Variants in MUSK observed in about 807,000 individuals in gnomAD.
MUSK encodes the protein muscle associated receptor tyrosine kinase, also known as muscle, skeletal receptor tyrosine-protein kinase.
Under a neutral mutation model 88.7 loss-of-function variants are expected in MUSK, and 55 were observed. That is an observed-to-expected ratio of 0.62 (90% CI 0.50 to 0.78). The LOEUF is 0.78. Ranked by LOEUF, MUSK falls within the 30% of genes least tolerant of loss-of-function variation. MUSK has a pLI of 0.00. For missense variants in MUSK, 1,015 were observed against 1,074.3 expected, an observed-to-expected ratio of 0.94 and a Z score of 0.77; for synonymous variants, 387 against 391.9, an observed-to-expected ratio of 0.99 and a Z score of 0.15.
intron 5 of MUSK, among the ~76,000 whole-genome samples, chr9:110,708,520 A>C (rs1482629587): frequency 6.6e-6 from 1 of 152,206 alleles, no homozygotes; most frequent in Non-Finnish European, 1.5e-5. Context: ...GAAAAAAATC[A>C]CAAACCTCTG....
At chr9:110,681,163 A>AT (rs2076130824) in intron 1 of MUSK, among the ~76,000 whole-genome samples, 3 of 91,064 alleles carry the variant, frequency 3.3e-5, no homozygotes, top group Middle Eastern at 4.3e-3. Context: ...TATATTATAA[A>AT]AATTATTATA....
intron 3 of MUSK, among the ~76,000 whole-genome samples, chr9:110,689,302 T>G (rs2131678597): frequency 1.7e-5 from 2 of 117,034 alleles, no homozygotes; most frequent in African/African-American, 7.0e-5. Flanking sequence ...TAGCTATATA[T>G]TTATATTTAA....
chr9:110,690,587 T>G (rs1295447355), intron 3 of MUSK, among the ~76,000 whole-genome samples: 1 of 70,782 alleles, frequency 1.4e-5, no homozygotes, highest in Non-Finnish European at 2.3e-5. Context: ...TATATTTAAA[T>G]ATAAGTATAT....
chr9:110,789,714 G>C (rs2077939227), intron 14 of MUSK, among the ~76,000 whole-genome samples: 1 of 152,144 alleles, frequency 6.6e-6, no homozygotes, highest in Non-Finnish European at 1.5e-5. Context: ...GGGAGGCGGA[G>C]GTTGCAGTGA....
At chr9:110,694,325 G>T (rs1188484945) in intron 3 of MUSK, among the ~76,000 whole-genome samples, 2 of 143,404 alleles carry the variant, frequency 1.4e-5, no homozygotes, top group Non-Finnish European at 3.0e-5. Flanking sequence ...GGCGGAACTT[G>T]CAGTGGGCCG....
intron 9 of MUSK, among the ~76,000 whole-genome samples, chr9:110,772,106 TATATA>T (rs1476397251): frequency 1.3e-5 from 2 of 149,964 alleles, no homozygotes; most frequent in African/African-American, 2.4e-5. Context: ...ATATAGTTTA[TATATA>T]ATATAAAACT....
At chr9:110,704,118 T>G (rs1156624428) in intron 5 of MUSK, among the ~76,000 whole-genome samples, 1 of 152,202 alleles carries the variant, frequency 6.6e-6, no homozygotes, top group African/African-American at 2.4e-5. Context: ...AACTTTAAAA[T>G]GTATATAGAT....
intron 8 of MUSK, among the ~76,000 whole-genome samples, chr9:110,764,624 T>TAGATAGAC (rs2077450266): frequency 6.6e-6 from 1 of 151,924 alleles, no homozygotes; most frequent in Non-Finnish European, 1.5e-5. Flanking sequence ...GATAGATAGA[T>TAGATAGAC]AGATAGATAG....
chr9:110,723,320 G>A (rs1053323979), intron 5 of MUSK, among the ~76,000 whole-genome samples: 1 of 151,464 alleles, frequency 6.6e-6, no homozygotes, highest in Non-Finnish European at 1.5e-5. Context: ...GGCATTCACA[G>A]CAACCTGGTT....
intron 6 of MUSK, among the ~76,000 whole-genome samples, chr9:110,737,502 T>C (rs1461584910): frequency 6.6e-6 from 1 of 152,112 alleles, no homozygotes; most frequent in Non-Finnish European, 1.5e-5. Context: ...CAATTTTCTG[T>C]ATTTCTTTCA....
At chr9:110,753,858 A>C (rs1395466515) in intron 7 of MUSK, among the ~76,000 whole-genome samples, 5 of 151,936 alleles carry the variant, frequency 3.3e-5, no homozygotes, top group Non-Finnish European at 7.3e-5. Flanking sequence ...ACACTACTAC[A>C]GAAAAAAAAA....
intron 3 of MUSK, among the ~76,000 whole-genome samples, chr9:110,693,897 C>T (rs1420083375): frequency 6.6e-6 from 1 of 152,072 alleles, no homozygotes; most frequent in African/African-American, 2.4e-5. Context: ...TATGACAATA[C>T]AACTCACAAT....
At chr9:110,697,744 T>C (rs1205257476) in intron 5 of MUSK, among the ~76,000 whole-genome samples, 1 of 152,232 alleles carries the variant, frequency 6.6e-6, no homozygotes, top group African/African-American at 2.4e-5. Context: ...AGTAAAATAA[T>C]AGAAACCCAT....
chr9:110,735,391 T>C (rs2077017160), intron 6 of MUSK, among the ~76,000 whole-genome samples: 2 of 152,048 alleles, frequency 1.3e-5, no homozygotes, highest in South Asian at 2.1e-4. Context: ...ATAAGAAGAA[T>C]AAAATCCTGT....
chr9:110,728,392 A>G (rs993978225), intron 5 of MUSK: 2 of 354,906 alleles, frequency 5.6e-6, no homozygotes, highest in Non-Finnish European at 1.0e-5. Context: ...CAACATTAGA[A>G]TAAAAATTCA....
Position 110,688,104 on chromosome 9 carries a change from A to T in MUSK, c.358+836A>T, listed in dbSNP as rs545267650. 7.2e-5 allele frequency among the ~76,000 whole-genome samples: 11 copies of T among 152,154 alleles called. No homozygotes were observed. The East Asian group carries it at 2.1e-3, about 29-fold the overall frequency. ...TTAAACCATTCTATTTTGTATTCCT[A>T]TACAAAATCTTTCCTCTGATGAGGG... On this transcript the variant is annotated intron_variant, in intron 3 of 14. Coordinates refer to ENST00000374448, the MANE Select transcript of MUSK (RefSeq NM_005592.4).
At chr9:110,690,431 T>C (rs1420025532) in intron 3 of MUSK, among the ~76,000 whole-genome samples, 9 of 105,006 alleles carry the variant, frequency 8.6e-5, no homozygotes, top group African/African-American at 3.8e-4. Flanking sequence ...TAAATATATA[T>C]TTCAATATAA....
intron 5 of MUSK, among the ~76,000 whole-genome samples, chr9:110,708,818 C>A (rs184369254): frequency 1.8e-4 from 27 of 152,192 alleles, no homozygotes; most frequent in Admixed American, 4.6e-4. Flanking sequence ...GTTAGGCCCT[C>A]TTAAAGTGCA....
In MUSK at chr9:110,755,981, T is replaced by TATATATATACATATATATATAC. The variant is rs1564269096; in HGVS notation, c.914-6212_914-6211insCATATATATATACATATATATA. ...ATATATATACATATATATATATACATATATATATATATATATGAATTTATT... is the reference window on the plus strand; with the variant it reads ...ATATATATACATATATATATATACATATATATATACATATATATATACATATATATATATATATGAATTTATT... On this transcript the variant is annotated intron_variant, in intron 7 of 14. Coordinates refer to ENST00000374448, the MANE Select transcript of MUSK (RefSeq NM_005592.4). Among the ~76,000 whole-genome samples the TATATATATACATATATATATAC allele has an allele frequency of 1.5e-4, 16 of 108,112 alleles. No homozygotes were observed. In the South Asian group the frequency reaches 2.8e-3, roughly 19 times the overall value. The allele number at this position is 108,112 out of a possible 152,430, so 70.9% of individuals were successfully genotyped here.
Sources: gnomAD v4.1 joint callset for allele counts (sites outside exome capture counted in the v4.1 genomes callset) on GRCh38, gnomAD v4.1.1 for gene constraint, MANE v1.5 for transcripts, NCBI Gene and HGNC (gene_info 2026-07-23, HGNC 2026-07-21) for gene names.